C1orf87: variants seen among roughly 807,000 people sequenced by gnomAD.
The protein encoded by C1orf87 is chromosome 1 open reading frame 87.
In C1orf87, 58 loss-of-function variants were observed where a neutral mutation model predicts 60.5. That is an observed-to-expected ratio of 0.96 (90% CI 0.78 to 1.19). C1orf87 has a LOEUF of 1.19. Ranked by LOEUF, C1orf87 falls within the 50% of genes most tolerant of loss-of-function variation. The probability of loss-of-function intolerance (pLI) is 0.00; values close to 1 mark genes in which losing one functional copy is unlikely to be tolerated. For synonymous variants in C1orf87, 236 were observed against 227.4 expected (o/e 1.04, Z -0.34); for missense variants, 673 against 638.6 (o/e 1.05, Z -0.58).
chr1:59,991,941 T>G (rs920433354), intron 11 of C1orf87, among the ~76,000 whole-genome samples: 1 of 152,184 alleles, frequency 6.6e-6, no homozygotes, highest in Non-Finnish European at 1.5e-5. Flanking sequence ...AGAGAATTTT[T>G]CTGCTACCTC....
At chr1:60,025,626 C>T in intron 7 of C1orf87, 128 bp from the exon 8 acceptor site, 1 of 680,252 alleles carries the variant, frequency 1.5e-6, no homozygotes, top group Non-Finnish European at 2.3e-6. Flanking sequence ...AGAATTAATA[C>T]CCAGGAGTAC....
chr1:60,067,549 T>A (rs1160791377), intron 2 of C1orf87, among the ~76,000 whole-genome samples: 1 of 145,852 alleles, frequency 6.9e-6, no homozygotes, highest in Non-Finnish European at 1.5e-5. Context: ...TTTTGCCCAC[T>A]TTTTGATGGG....
rs1233977395 is a variant in C1orf87 at position 60,033,518 on chromosome 1, T to C, written c.987A>G (p.Arg329=). The C allele has an allele frequency of 6.2e-7, 1 of 1,613,860 alleles. No homozygotes were observed. Among genetic ancestry groups the C allele is most frequent in the African/African-American group, 1.3e-5 (1 of 74,920 alleles). Residue 329 remains arginine (R), a synonymous_variant, in exon 7 of 12, where the codon CGA becomes CGG. Coordinates refer to ENST00000371201, the MANE Select transcript of C1orf87 (RefSeq NM_152377.3). ...LNIDNLNLSF[R]KEDRSFSGCL... ...AGCCAGAGAACGAGCGATCTTCTTTTCGAAAACTCAGATTGAGATTGTCTA... is the reference window on the plus strand; with the variant it reads ...AGCCAGAGAACGAGCGATCTTCTTTCCGAAAACTCAGATTGAGATTGTCTA...
At chr1:60,024,934 C>A (rs1184980270) in intron 8 of C1orf87, among the ~76,000 whole-genome samples, 1 of 152,084 alleles carries the variant, frequency 6.6e-6, no homozygotes, top group African/African-American at 2.4e-5. Context: ...CCTTTGGTCG[C>A]AATAAAAGCA....
intron 9 of C1orf87, among the ~76,000 whole-genome samples, chr1:60,010,119 C>T (rs552345006): frequency 4.6e-5 from 7 of 151,952 alleles, no homozygotes; most frequent in Admixed American, 4.6e-4. Flanking sequence ...TACTAACTTC[C>T]ATAAATGTAC....
chr1:60,058,612 C>G (rs1026707972), intron 2 of C1orf87, among the ~76,000 whole-genome samples: 11 of 152,156 alleles, frequency 7.2e-5, no homozygotes, highest in East Asian at 1.9e-4. Flanking sequence ...TTAAATCAAC[C>G]GTATAGTCAG....
chr1:60,070,712 A>C (rs1645578936), intron 2 of C1orf87, among the ~76,000 whole-genome samples: 1 of 152,192 alleles, frequency 6.6e-6, no homozygotes, highest in Admixed American at 6.5e-5. Flanking sequence ...AATAGGAGAG[A>C]TAGAACTGCA....
At chr1:60,037,366 A>G (rs889564243) in intron 6 of C1orf87, among the ~76,000 whole-genome samples, 6 of 152,222 alleles carry the variant, frequency 3.9e-5, no homozygotes, top group Non-Finnish European at 8.8e-5. Context: ...CTATAATAGA[A>G]TATCTGAGAT....
At chr1:60,032,350 ACT>A (rs1241535809) in intron 7 of C1orf87, among the ~76,000 whole-genome samples, 1 of 148,936 alleles carries the variant, frequency 6.7e-6, no homozygotes, top group Non-Finnish European at 1.5e-5. Flanking sequence ...AGTTTCCATA[ACT>A]CTTCTGGACT....
chr1:60,065,013 T>TA (rs71046363), intron 2 of C1orf87, among the ~76,000 whole-genome samples: 1,976 of 63,692 alleles, frequency 0.031, 158 homozygotes, highest in African/African-American at 0.054. Context: ...TAAATATATA[T>TA]TAAATATATA....
In C1orf87 at chr1:60,039,932, C is replaced by A; in HGVS notation, c.732G>T (p.Arg244Ser). 1 of 1,613,608 alleles carries A rather than the reference C, an allele frequency of 6.2e-7. No homozygotes were observed. The highest frequency in any genetic ancestry group is 1.1e-5 in the South Asian group (1 of 90,926). Residue 244 changes from arginine to serine, a missense_variant, in exon 5 of 12, where the codon AGG becomes AGT. Arg to Ser is a moderately radical substitution (Grantham distance 110, BLOSUM62 -1). Transcript: ENST00000371201. ...ATTGCCATACCATTTCAGGAGAACC[C>A]CTCTTAGAAAATCTCTGACAAAGGA... is the stretch of plus-strand genomic sequence containing the variant. The part of the protein sequence containing the change: ...VKILCQRFSK[R>S]GSPEMVNYEK...
chr1:60,024,297 C>G (rs1037174178), intron 8 of C1orf87, among the ~76,000 whole-genome samples: 1 of 152,050 alleles, frequency 6.6e-6, no homozygotes, highest in African/African-American at 2.4e-5. Flanking sequence ...ATTTTCAAGC[C>G]TTGTTAGAGT....
At chr1:60,003,417 C>T (rs1042731179) in intron 9 of C1orf87, among the ~76,000 whole-genome samples, 3 of 151,750 alleles carry the variant, frequency 2.0e-5, no homozygotes, top group African/African-American at 7.3e-5. Context: ...CTCATGTATA[C>T]ATATGTAACT....
At position 60,065,119 on chromosome 1, in the gene C1orf87, G is replaced by A. The variant is rs530197824; in HGVS notation, c.107+7418C>T. On this transcript the variant is annotated intron_variant, in intron 2 of 11. Coordinates refer to ENST00000371201, the MANE Select transcript of C1orf87 (RefSeq NM_152377.3). ...TAGAGAACCCTGACTAATACAATGA[G>A]GCAAGCATGAGGCAACCTTATACAA... Among the ~76,000 whole-genome samples, 9 of 103,958 alleles carry A rather than the reference G, an allele frequency of 8.7e-5. No homozygotes were observed. The South Asian group carries it at 3.2e-3, about 37-fold the overall frequency. The allele number at this position is 103,958 out of a possible 152,430, so 68.2% of individuals were successfully genotyped here. A position where few individuals can be genotyped will look rare whatever the true frequency, so the allele number is the denominator to read the frequency against.
intron 9 of C1orf87, among the ~76,000 whole-genome samples, chr1:60,003,468 A>G (rs188273658): frequency 1.3e-5 from 2 of 152,252 alleles, no homozygotes; most frequent in South Asian, 2.1e-4. Flanking sequence ...ACTTAAAAGT[A>G]TAATTTAAAA....
chr1:60,025,768 G>T lies in C1orf87; in HGVS notation c.1030-270C>A, dbSNP rs139518751. ...CTCAGAAGTCACTGGGGTTTGAAAT[G>T]CTGATCTTACATTTTTATCAGCCAT... On this transcript the variant is annotated intron_variant, in intron 7 of 11. Coordinates refer to ENST00000371201, the MANE Select transcript of C1orf87 (RefSeq NM_152377.3). 5.3e-4 allele frequency among the ~76,000 whole-genome samples: 81 copies of T among 152,258 alleles called. No homozygotes were observed. In the East Asian group the frequency reaches 0.014, roughly 26 times the overall value.
At chr1:60,011,621 A>G (rs1645085630) in intron 8 of C1orf87, among the ~76,000 whole-genome samples, 2 of 152,110 alleles carry the variant, frequency 1.3e-5, no homozygotes, top group Non-Finnish European at 2.9e-5. Flanking sequence ...AAGTATCTTT[A>G]TCTTTCTCCA....
intron 7 of C1orf87, among the ~76,000 whole-genome samples, chr1:60,031,048 G>A (rs1574310454): frequency 6.6e-6 from 1 of 152,110 alleles, no homozygotes; most frequent in South Asian, 2.1e-4. Context: ...TCTGGAGAGA[G>A]AGTGCATAGC....
rs1389001611 is a variant in C1orf87 at position 60,022,310 on chromosome 1, G to A, written c.1127+3091C>T. On this transcript the variant is annotated intron_variant, in intron 8 of 11. Transcript: ENST00000371201. ...CCAGGAGAAAGATAATGGTAGTGTG[G>A]ATGGGTGTTGTTAAGTAACAATAGA... Among the ~76,000 whole-genome samples, 3 of 151,956 alleles carry A rather than the reference G, an allele frequency of 2.0e-5. 1 individual carries two copies. In the East Asian group the frequency reaches 5.9e-4, roughly 30 times the overall value.
Sources: allele counts gnomAD v4.1 joint callset (sites outside exome capture counted in the v4.1 genomes callset), GRCh38; gene constraint gnomAD v4.1.1; transcripts MANE v1.5; gene names NCBI Gene and HGNC (gene_info 2026-07-23, HGNC 2026-07-21).